Variants in NHSL3 observed in about 807,000 individuals in gnomAD.
The protein encoded by NHSL3 is NHS-like protein 3.
chr1:32,747,979 T>C, the NHSL3 span, among the ~76,000 whole-genome samples: 1 of 152,078 alleles, frequency 6.6e-6, no homozygotes, highest in Non-Finnish European at 1.5e-5. Context: ...CATGGTGGCA[T>C]GCATCTGTAA....
the NHSL3 span, among the ~76,000 whole-genome samples, chr1:32,742,882 G>T: frequency 6.6e-6 from 1 of 152,190 alleles, no homozygotes; most frequent in Non-Finnish European, 1.5e-5. Flanking sequence ...GCTTACAGAT[G>T]GGGGAAACTG....
At chr1:32,751,350 G>A in the NHSL3 span, among the ~76,000 whole-genome samples, 10 of 152,240 alleles carry the variant, frequency 6.6e-5, no homozygotes, top group East Asian at 3.9e-4. Context: ...AAGCGTCACC[G>A]TTGCTACTAC....
At chr1:32,757,802 A>G in the NHSL3 span, among the ~76,000 whole-genome samples, 1 of 152,190 alleles carries the variant, frequency 6.6e-6, no homozygotes, top group Non-Finnish European at 1.5e-5. Flanking sequence ...AGCCTGTCAC[A>G]TTACAAAGCC....
the NHSL3 span, chr1:32,771,235 G>A: frequency 6.2e-7 from 1 of 1,611,898 alleles, no homozygotes. Context: ...AGCTGCCCCT[G>A]CTCTAGCCGC....
At chr1:32,742,091 G>C in the NHSL3 span, 26 of 1,253,850 alleles carry the variant, frequency 2.1e-5, no homozygotes, top group Non-Finnish European at 2.5e-5. Flanking sequence ...GGCAAGCGGC[G>C]CAAGAAGAAG....
At chr1:32,772,980 C>A in the NHSL3 span, 1 of 1,276,592 alleles carries the variant, frequency 7.8e-7, no homozygotes, top group African/African-American at 1.5e-5. Context: ...ACAGCAGACA[C>A]AACCTAATAG....
the NHSL3 span, among the ~76,000 whole-genome samples, chr1:32,758,890 C>T: frequency 6.6e-6 from 1 of 152,158 alleles, no homozygotes; most frequent in Non-Finnish European, 1.5e-5. Context: ...AATTCCCTTC[C>T]TTCCCAAACT....
chr1:32,746,894 T>C, the NHSL3 span, among the ~76,000 whole-genome samples: 1 of 151,988 alleles, frequency 6.6e-6, no homozygotes, highest in Non-Finnish European at 1.5e-5. Context: ...CTCCTGAGGG[T>C]TTCTCTTGTG....
At chr1:32,771,597 A>AGGCTCCCCAGAGCTTGTC in the NHSL3 span, 1 of 1,612,022 alleles carries the variant, frequency 6.2e-7, no homozygotes, top group East Asian at 2.2e-5. Flanking sequence ...CAGGCCCTTC[A>AGGCTCCCCAGAGCTTGTC]GGCTCCCCAG....
At chr1:32,764,777 A>G in the NHSL3 span, among the ~76,000 whole-genome samples, 1 of 152,180 alleles carries the variant, frequency 6.6e-6, no homozygotes, top group Admixed American at 6.5e-5. Context: ...TCTTAAAAAG[A>G]GGAGTTATTA....
At chr1:32,768,532 T>G in the NHSL3 span, 18 of 1,175,280 alleles carry the variant, frequency 1.5e-5, no homozygotes, top group Middle Eastern at 2.5e-4. Context: ...GAGGCGGAGG[T>G]TGTGGTGAGC....
At chr1:32,756,213 G>A in the NHSL3 span, among the ~76,000 whole-genome samples, 2 of 152,128 alleles carry the variant, frequency 1.3e-5, no homozygotes, top group African/African-American at 4.8e-5. Flanking sequence ...TTCTGGGTTG[G>A]GGTCAGCTTT....
chr1:32,772,996 G>A, the NHSL3 span: 1 of 1,079,486 alleles, frequency 9.3e-7, no homozygotes, highest in East Asian at 2.4e-5. Flanking sequence ...AATAGAGAGG[G>A]CGCCTGCAGC....
the NHSL3 span, chr1:32,765,540 C>T: frequency 2.4e-6 from 3 of 1,270,648 alleles, no homozygotes; most frequent in Admixed American, 4.8e-5. Context: ...TTTCTGTGCC[C>T]CTGCACCCCA....
the NHSL3 span, chr1:32,753,938 G>T: frequency 3.6e-6 from 1 of 277,322 alleles, no homozygotes; most frequent in Non-Finnish European, 7.0e-6. Flanking sequence ...CCTGGCCATT[G>T]GCCGCAGAGC....
the NHSL3 span, chr1:32,768,917 C>A: frequency 9.5e-7 from 1 of 1,054,382 alleles, no homozygotes; most frequent in Non-Finnish European, 1.4e-6. Context: ...TCCTCTTGCA[C>A]ATTCGTGATA....
At chr1:32,766,299 C>T in the NHSL3 span, among the ~76,000 whole-genome samples, 1 of 152,114 alleles carries the variant, frequency 6.6e-6, no homozygotes. Context: ...CTCCTTCCTT[C>T]TCCTAGGAAT....
At chr1:32,741,985 G>T in the NHSL3 span, 3 of 1,182,292 alleles carry the variant, frequency 2.5e-6, no homozygotes, top group Admixed American at 9.1e-5. The surrounding 1 kb of genome is among the most constrained non-coding windows in gnomAD (Gnocchi z 4.3). Context: ...CGCCGCACCT[G>T]CGGCCGAGGA....
At chr1:32,761,591 T>C in the NHSL3 span, among the ~76,000 whole-genome samples, 1 of 152,134 alleles carries the variant, frequency 6.6e-6, no homozygotes, top group South Asian at 2.1e-4. Flanking sequence ...CCAGCCAGAG[T>C]TCAGGAAGTC....
Sources: gnomAD v4.1 joint callset for allele counts (sites outside exome capture counted in the v4.1 genomes callset) on GRCh38, gnomAD v4.1.1 for gene constraint, Gnocchi (gnomAD v3.1) non-coding constraint, MANE v1.5 for transcripts, NCBI Gene and HGNC (gene_info 2026-07-23, HGNC 2026-07-21) for gene names.